Variants in BCL11B observed in about 807,000 individuals in gnomAD.
The protein encoded by BCL11B is BCL11 transcription factor B.
BCL11B carries 8 observed loss-of-function variants against 49.9 expected under a neutral mutation model. The ratio of observed to expected loss-of-function variants is 0.16; its 90% CI spans 0.09 to 0.29. The LOEUF is 0.29. Ranked by LOEUF, BCL11B falls within the 10% of genes least tolerant of loss-of-function variation. The pLI, the probability that BCL11B is intolerant of heterozygous loss-of-function variation, is 1.00. For synonymous variants in BCL11B, 739 were observed against 637.4 expected (o/e 1.16, Z -2.40); for missense variants, 1,006 against 1,351.0 (o/e 0.74, Z 4.00).
rs1888681769 is a variant in BCL11B at position 99,241,921 on chromosome 14, C to A, written c.428-10364G>T. ...GAAATAAGGAAGTAAAAACAGCCAA[C>A]AGATTTTTCACTACCGAAGACGCCA... On this transcript the variant is annotated intron_variant, in intron 2 of 3. Coordinates refer to ENST00000357195, the MANE Select transcript of BCL11B (RefSeq NM_138576.4). This position sits in a 1 kb window ranked among gnomAD's most constrained non-coding sequence, Gnocchi z 4.4. Among the ~76,000 whole-genome samples the A allele has an allele frequency of 1.3e-5, 2 of 152,140 alleles. No homozygotes were observed. Among genetic ancestry groups the A allele is most frequent in the Admixed American group, 6.5e-5 (1 of 15,284 alleles).
At chr14:99,204,066 A>G (rs1393698536) in intron 3 of BCL11B, among the ~76,000 whole-genome samples, 2 of 152,092 alleles carry the variant, frequency 1.3e-5, no homozygotes, top group Non-Finnish European at 2.9e-5. Flanking sequence ...GGCTCTACCC[A>G]GTGCCTGAAG....
intron 2 of BCL11B, among the ~76,000 whole-genome samples, chr14:99,233,825 G>A (rs757383624): frequency 7.9e-5 from 12 of 152,304 alleles, no homozygotes; most frequent in Non-Finnish European, 1.5e-4. Flanking sequence ...AGTCTCATTA[G>A]CAATTGTGAC....
chr14:99,171,578 G>A lies in BCL11B; in HGVS notation c.*2573C>T. 4.7e-6 allele frequency: 1 copy of A among 212,628 alleles called. No homozygotes were observed. The highest frequency in any genetic ancestry group is 9.5e-6 in the Non-Finnish European group (1 of 105,164). 13.2% of individuals were successfully genotyped at this position (212,628 alleles called of 1,614,324 possible). On this transcript the variant is annotated 3_prime_UTR_variant, in exon 4 of 4. Transcript: ENST00000357195. ...ATATATCCATTCCAGAGGGAGGCGG[G>A]AAGAGAAAAATAAGTACAGGTCAGA...
chr14:99,207,576 C>T (rs547935305), intron 3 of BCL11B, among the ~76,000 whole-genome samples: 7 of 152,324 alleles, frequency 4.6e-5, no homozygotes, highest in Non-Finnish European at 5.9e-5. Context: ...TGCTGGGAGC[C>T]GGAGCTAGAG....
intron 3 of BCL11B, among the ~76,000 whole-genome samples, chr14:99,183,902 C>T (rs1886780431): frequency 6.6e-6 from 1 of 152,130 alleles, no homozygotes; most frequent in Non-Finnish European, 1.5e-5. Flanking sequence ...CAGCAGAGAA[C>T]ACACCCAGCA....
chr14:99,269,289 G>T (rs971420144), intron 1 of BCL11B, among the ~76,000 whole-genome samples: 2 of 152,284 alleles, frequency 1.3e-5, no homozygotes, highest in African/African-American at 4.8e-5. Flanking sequence ...AAAGGGGGAA[G>T]GGTGTAGAAT....
chr14:99,174,728 G>C lies in BCL11B; in HGVS notation c.2108C>G (p.Pro703Arg), dbSNP rs1407775325. ...DLELPPAALI[P>R]SENVYSQWLV... Reference sequence around the variant, plus strand: ...CCACTGCGAGTACACGTTCTCGGACGGGATGAGCGCGGCGGGCGGCAGCTC... The same window carrying C: ...CCACTGCGAGTACACGTTCTCGGACCGGATGAGCGCGGCGGGCGGCAGCTC... The change falls in exon 4 of 4, where the codon CCG becomes CGG. Residue 703 changes from proline to arginine, a missense_variant. Physicochemically the swap from Pro to Arg is moderately radical, Grantham distance 103 (BLOSUM62 -2). This residue lies in a region of BCL11B where 443 missense variants were observed against 499.7 expected (regional missense o/e 0.89). Coordinates refer to ENST00000357195, the MANE Select transcript of BCL11B (RefSeq NM_138576.4). 24 of 1,549,148 alleles carry C rather than the reference G, an allele frequency of 1.5e-5. No individual in the cohort carries two copies. The highest frequency in any genetic ancestry group is 2.0e-5 in the Non-Finnish European group (23 of 1,148,446).
intron 2 of BCL11B, among the ~76,000 whole-genome samples, chr14:99,255,358 CA>C (rs1889126368): frequency 7.8e-6 from 1 of 128,376 alleles, no homozygotes; most frequent in Admixed American, 9.2e-5. Flanking sequence ...TATCTTTCGT[CA>C]CACATAAAAT....
intron 3 of BCL11B, among the ~76,000 whole-genome samples, chr14:99,226,200 AC>A (rs1251076162): frequency 3.9e-5 from 6 of 152,214 alleles, no homozygotes; most frequent in African/African-American, 1.4e-4. Context: ...CCCTTTTCCT[AC>A]ATGGAGCCAG....
At chr14:99,225,763 C>T (rs1239107830) in intron 3 of BCL11B, among the ~76,000 whole-genome samples, 4 of 152,250 alleles carry the variant, frequency 2.6e-5, no homozygotes, top group African/African-American at 9.6e-5. Context: ...TTTAGCTCTG[C>T]CTTCAGAACG....
At chr14:99,218,732 C>A (rs544173522) in intron 3 of BCL11B, among the ~76,000 whole-genome samples, 1 of 152,050 alleles carries the variant, frequency 6.6e-6, no homozygotes, top group South Asian at 2.1e-4. Flanking sequence ...GATGGAGCCA[C>A]CTGAAATAAG....
Position 99,272,064 on chromosome 14 carries a change from C to T in BCL11B, c.-846G>A, listed in dbSNP as rs1001009808. 6.6e-6 allele frequency among the ~76,000 whole-genome samples: 1 copy of T among 151,882 alleles called. No individual in the cohort carries two copies. The highest frequency in any genetic ancestry group is 2.4e-5 in the African/African-American group (1 of 41,376). ...CCAGCGCTCCCCTGGCGCCGCGGGC[C>T]CGGGGGGAGCGGGGCGGAGGGGCGG... On this transcript the variant is annotated 5_prime_UTR_variant, in exon 1 of 4. Coordinates refer to ENST00000357195, the MANE Select transcript of BCL11B (RefSeq NM_138576.4). This position sits in a 1 kb window ranked among gnomAD's most constrained non-coding sequence, Gnocchi z 6.0.
At chr14:99,211,404 G>T (rs1887684004) in intron 3 of BCL11B, among the ~76,000 whole-genome samples, 1 of 152,202 alleles carries the variant, frequency 6.6e-6, no homozygotes, top group Non-Finnish European at 1.5e-5. Context: ...CTCCATCCTG[G>T]CCTGTGCCTT....
intron 2 of BCL11B, among the ~76,000 whole-genome samples, chr14:99,234,115 C>G (rs1888418110): frequency 6.6e-6 from 1 of 152,006 alleles, no homozygotes. Flanking sequence ...GAGGCAAATC[C>G]ACGGACACAG....
At chr14:99,221,375 C>T (rs993069829) in intron 3 of BCL11B, among the ~76,000 whole-genome samples, 11 of 152,222 alleles carry the variant, frequency 7.2e-5, no homozygotes, top group Admixed American at 2.6e-4. Context: ...CAGCGGCCCC[C>T]GTTTCTGCAG....
chr14:99,185,953 CCCTT>C (rs1166668106), intron 3 of BCL11B, among the ~76,000 whole-genome samples: 1 of 152,246 alleles, frequency 6.6e-6, no homozygotes, highest in Non-Finnish European at 1.5e-5. Context: ...GTTCCTTCCT[CCCTT>C]CCTTCACAGA....
intron 1 of BCL11B, among the ~76,000 whole-genome samples, chr14:99,269,875 TAAAAAAAAAAAAAAAAAA>T (rs56659919): frequency 3.6e-3 from 149 of 41,244 alleles, no homozygotes; most frequent in African/African-American, 0.01. Flanking sequence ...CTATTGCAGT[TAAAAAAAAAAAAAAAAAA>T]AAAAAAAAAA....
rs1888685558 is a variant in BCL11B at position 99,242,045 on chromosome 14, G to T, written c.428-10488C>A. 6.6e-6 allele frequency among the ~76,000 whole-genome samples: 1 copy of T among 152,206 alleles called. No homozygotes were observed. Among genetic ancestry groups the T allele is most frequent in the Non-Finnish European group, 1.5e-5 (1 of 68,036 alleles). On this transcript the variant is annotated intron_variant, in intron 2 of 3. Coordinates refer to ENST00000357195, the MANE Select transcript of BCL11B (RefSeq NM_138576.4). The surrounding 1 kb of genome is among the most constrained non-coding windows in gnomAD (Gnocchi z 4.4). ...AGGAAAGGGTGGGTAGAAGGGGACA[G>T]GAAAAGGGGAGTGGGGAGGACATCA...
At chr14:99,198,714 G>A (rs1032710601) in intron 3 of BCL11B, among the ~76,000 whole-genome samples, 5 of 151,904 alleles carry the variant, frequency 3.3e-5, no homozygotes, top group African/African-American at 7.3e-5. Flanking sequence ...CGCACCTTCC[G>A]AAATGCACTG....
Sources: allele counts gnomAD v4.1 joint callset (sites outside exome capture counted in the v4.1 genomes callset), GRCh38; gene constraint gnomAD v4.1.1; regional missense constraint gnomAD v4.1.1; non-coding constraint Gnocchi (gnomAD v3.1); transcripts MANE v1.5; gene names NCBI Gene and HGNC (gene_info 2026-07-23, HGNC 2026-07-21).